Variants in BCAS3 observed in about 807,000 individuals in gnomAD.
BCAS3 encodes BCAS3 microtubule associated cell migration factor.
In BCAS3, 53 loss-of-function variants were observed where a neutral mutation model predicts 116.1. That is an observed-to-expected ratio of 0.46 (90% CI 0.37 to 0.57). The LOEUF (loss-of-function observed/expected upper bound fraction) is 0.57, where lower values mean the gene tolerates loss of function less well. Among genes scored for constraint, BCAS3 ranks in the 20% least tolerant of loss-of-function variants. The pLI, the probability that BCAS3 is intolerant of heterozygous loss-of-function variation, is 0.00. For synonymous variants in BCAS3, 391 were observed against 408.2 expected (o/e 0.96, Z 0.51); for missense variants, 917 against 1,165.4 (o/e 0.79, Z 3.10).
intron 22 of BCAS3, among the ~76,000 whole-genome samples, chr17:61,210,223 G>T (rs571163565): frequency 1.3e-5 from 2 of 152,310 alleles, no homozygotes; most frequent in African/African-American, 2.4e-5. Flanking sequence ...GACCTGATAT[G>T]TGCTCACATC....
intron 14 of BCAS3, among the ~76,000 whole-genome samples, chr17:60,951,873 C>T (rs1461224952): frequency 6.9e-6 from 1 of 145,422 alleles, no homozygotes; most frequent in African/African-American, 2.5e-5. Context: ...CGGGTTCAAA[C>T]AGTTCTCCTG....
Position 61,205,935 on chromosome 17 carries a change from C to T in BCAS3, c.2425+121371C>T, listed in dbSNP as rs2081097282. Among the ~76,000 whole-genome samples, 1 of 152,128 alleles carries T rather than the reference C, an allele frequency of 6.6e-6. No homozygotes were observed. Among genetic ancestry groups the T allele is most frequent in the South Asian group, 2.1e-4 (1 of 4,830 alleles). ...GCTTAGTTAGGAAGATAATTTATGT[C>T]CCCAAAGCTCTTTCAGTGATCTGTA... On this transcript the variant is annotated intron_variant, in intron 22 of 23. Transcript: ENST00000407086. The surrounding 1 kb of genome is among the most constrained non-coding windows in gnomAD (Gnocchi z 5.2).
chr17:60,837,114 T>A (rs2144744707), intron 7 of BCAS3, among the ~76,000 whole-genome samples: 1 of 152,312 alleles, frequency 6.6e-6, no homozygotes, highest in South Asian at 2.1e-4. Flanking sequence ...CACTTTAACC[T>A]TATATCTAGT....
intron 22 of BCAS3, among the ~76,000 whole-genome samples, chr17:61,318,408 C>A (rs2054921650): frequency 6.6e-6 from 1 of 152,174 alleles, no homozygotes; most frequent in African/African-American, 2.4e-5. Context: ...TCCTGTCTTC[C>A]CTGCCTACTG....
At chr17:61,094,642 C>A (rs1020695214) in intron 22 of BCAS3, among the ~76,000 whole-genome samples, 1 of 152,170 alleles carries the variant, frequency 6.6e-6, no homozygotes, top group Non-Finnish European at 1.5e-5. Context: ...GAGGTTAGTT[C>A]AAGACCAGCC....
intron 7 of BCAS3, among the ~76,000 whole-genome samples, chr17:60,856,082 C>T (rs1177708185): frequency 6.6e-6 from 1 of 152,142 alleles, no homozygotes; most frequent in African/African-American, 2.4e-5. Context: ...ATCAAGAAGG[C>T]CATGTCCGAG....
intron 14 of BCAS3, among the ~76,000 whole-genome samples, chr17:60,977,096 G>T (rs1003347989): frequency 6.6e-6 from 1 of 152,026 alleles, no homozygotes; most frequent in Non-Finnish European, 1.5e-5. Context: ...GGGGTGGCTG[G>T]CCGGGCGGGG....
Position 61,392,039 on chromosome 17 carries a change from A to G in BCAS3, c.2656A>G (p.Ile886Val). Residue 886 changes from isoleucine to valine, a missense_variant, in exon 24 of 24, where the codon ATA becomes GTA. Physicochemically the swap from Ile to Val is conservative, Grantham distance 29. Coordinates refer to ENST00000407086, the MANE Select transcript of BCAS3 (RefSeq NM_017679.5). This position sits in a 1 kb window ranked among gnomAD's most constrained non-coding sequence, Gnocchi z 6.4. ...CAGCTCAGGCTCCACCAGCGGCAGC[A>G]TACCAAGAAACTTTGATGGCTACCG... is the stretch of plus-strand genomic sequence containing the variant. ...SNSSGSTSGS[I>V]PRNFDGYRSP... The G allele has an allele frequency of 6.2e-7, 1 of 1,613,920 alleles. No homozygotes were observed. The highest frequency in any genetic ancestry group is 8.5e-7 in the Non-Finnish European group (1 of 1,179,996).
intron 22 of BCAS3, among the ~76,000 whole-genome samples, chr17:61,236,550 G>C (rs140553377): frequency 0.01 from 1,554 of 152,240 alleles, 16 homozygotes; most frequent in Non-Finnish European, 0.018. Flanking sequence ...TCGATCTCCT[G>C]ACCTCGTGAT....
At chr17:60,901,403 A>C (rs1026511891) in intron 10 of BCAS3, among the ~76,000 whole-genome samples, 1 of 152,208 alleles carries the variant, frequency 6.6e-6, no homozygotes, top group Non-Finnish European at 1.5e-5. Context: ...TGAATGAGTG[A>C]GCAAGAGAGA....
chr17:61,018,033 T>C (rs993152425), intron 16 of BCAS3, among the ~76,000 whole-genome samples: 3 of 152,222 alleles, frequency 2.0e-5, no homozygotes. Flanking sequence ...AGTTGTTTTA[T>C]GTGCTTTGAA....
rs1023648580 is a variant in BCAS3 at position 61,282,527 on chromosome 17, T to G, written c.2426-85800T>G. 6.6e-6 allele frequency among the ~76,000 whole-genome samples: 1 copy of G among 152,240 alleles called. No homozygotes were observed. Among genetic ancestry groups the G allele is most frequent in the Admixed American group, 6.5e-5 (1 of 15,284 alleles). ...AGTCTTCTGGGAACTAAAGTTGGTT[T>G]CGTTGGCTTACTCTTAGACAGATGT... On this transcript the variant is annotated intron_variant, in intron 22 of 23. Coordinates refer to ENST00000407086, the MANE Select transcript of BCAS3 (RefSeq NM_017679.5). This position sits in a 1 kb window ranked among gnomAD's most constrained non-coding sequence, Gnocchi z 5.9.
rs560179816 is a variant in BCAS3 at position 60,844,739 on chromosome 17, A to T, written c.477-23837A>T. On this transcript the variant is annotated intron_variant, in intron 7 of 23. Transcript: ENST00000407086. ...TTGTGGCTGGCAGATCTTTTAATTG[A>T]CCTGATGGATATCATAAGATTGCAA... is the stretch of plus-strand genomic sequence containing the variant. Among the ~76,000 whole-genome samples, 3 of 152,222 alleles carry T rather than the reference A, an allele frequency of 2.0e-5. No homozygotes were observed. The South Asian group carries it at 6.2e-4, about 32-fold the overall frequency.
At position 61,338,923 on chromosome 17, in the gene BCAS3, A is replaced by G. The variant is rs544011102; in HGVS notation, c.2426-29404A>G. ...AAAAAAAAAAAAAAAAAAAGCAGAA[A>G]GGAAAAACAGCAAATAAGATGAACT... On this transcript the variant is annotated intron_variant, in intron 22 of 23. Coordinates refer to ENST00000407086, the MANE Select transcript of BCAS3 (RefSeq NM_017679.5). Among the ~76,000 whole-genome samples the G allele has an allele frequency of 2.1e-5, 3 of 145,996 alleles. No individual in the cohort carries two copies. In the South Asian group the frequency reaches 6.7e-4, roughly 33 times the overall value.
chr17:61,221,081 A>G (rs1158369119), intron 22 of BCAS3, among the ~76,000 whole-genome samples: 1 of 152,232 alleles, frequency 6.6e-6, no homozygotes, highest in Non-Finnish European at 1.5e-5. Flanking sequence ...GCCTGGTGAC[A>G]GAGTGAGACT....
intron 6 of BCAS3, among the ~76,000 whole-genome samples, chr17:60,768,647 A>G (rs1326763134): frequency 6.6e-6 from 1 of 152,138 alleles, no homozygotes; most frequent in Non-Finnish European, 1.5e-5. Context: ...GAGAACCCTG[A>G]CTAATATGGT....
chr17:61,144,089 ATTTCATAGGAGGACAGTTGACTCC>A lies in BCAS3; in HGVS notation c.2425+59530_2425+59553del, dbSNP rs1267099277. Among the ~76,000 whole-genome samples the A allele has an allele frequency of 1.3e-5, 2 of 152,124 alleles. No individual in the cohort carries two copies. Among genetic ancestry groups the A allele is most frequent in the African/African-American group, 4.8e-5 (2 of 41,424 alleles). On this transcript the variant is annotated intron_variant, in intron 22 of 23. Coordinates refer to ENST00000407086, the MANE Select transcript of BCAS3 (RefSeq NM_017679.5). This position sits in a 1 kb window ranked among gnomAD's most constrained non-coding sequence, Gnocchi z 5.0. ...GAAAATAAGTTATAAGTTTTTGTTC[ATTTCATAGGAGGACAGTTGACTCC>A]TTTCTACTCTTTTTTTTGCCGTTGT... is the stretch of plus-strand genomic sequence containing the variant.
At chr17:60,703,777 G>A (rs1192394694) in intron 4 of BCAS3, among the ~76,000 whole-genome samples, 2 of 151,520 alleles carry the variant, frequency 1.3e-5, no homozygotes, top group African/African-American at 4.9e-5. Context: ...AGCCGGGCGC[G>A]GTGGTGGGCG....
chr17:60,979,086 C>T, intron 14 of BCAS3, among the ~76,000 whole-genome samples: 1 of 145,168 alleles, frequency 6.9e-6, no homozygotes, highest in African/African-American at 2.5e-5. Flanking sequence ...CTGTAAATTA[C>T]CTTGGGCAGT....
Sources: gnomAD v4.1 joint callset for allele counts (sites outside exome capture counted in the v4.1 genomes callset) on GRCh38, gnomAD v4.1.1 for gene constraint, Gnocchi (gnomAD v3.1) non-coding constraint, MANE v1.5 for transcripts, NCBI Gene and HGNC (gene_info 2026-07-23, HGNC 2026-07-21) for gene names.